The following PTPRT variants were observed in gnomAD, a reference collection of about 807,000 sequenced individuals.
PTPRT encodes protein tyrosine phosphatase receptor type T, also known as receptor-type tyrosine-protein phosphatase T.
Under a neutral mutation model 176.8 loss-of-function variants are expected in PTPRT, and 56 were observed. The observed-to-expected ratio is 0.32, with a 90% CI of 0.26 to 0.40. PTPRT has a LOEUF of 0.40. PTPRT is among the 10% of genes least tolerant of loss of function. The pLI, the probability that PTPRT is intolerant of heterozygous loss-of-function variation, is 1.00. For missense variants in PTPRT, 1,540 were observed against 1,908.2 expected, an observed-to-expected ratio of 0.81 and a Z score of 3.60; for synonymous variants, 783 against 739.0, an observed-to-expected ratio of 1.06 and a Z score of -0.96.
chr20:42,441,594 A>G (rs2059316350), intron 9 of PTPRT, among the ~76,000 whole-genome samples: 1 of 152,186 alleles, frequency 6.6e-6, no homozygotes, highest in Non-Finnish European at 1.5e-5. Context: ...GGAACAGGTG[A>G]AGTGTGGAAG....
chr20:42,152,160 A>G (rs891580764), intron 17 of PTPRT, among the ~76,000 whole-genome samples: 1 of 152,232 alleles, frequency 6.6e-6, no homozygotes, highest in African/African-American at 2.4e-5. Flanking sequence ...TGACAGCCAA[A>G]TATCTTGAGA....
chr20:42,109,667 C>T (rs568053523), intron 23 of PTPRT, among the ~76,000 whole-genome samples: 7 of 152,274 alleles, frequency 4.6e-5, no homozygotes, highest in African/African-American at 1.7e-4. Context: ...TGAAATATCC[C>T]CACTCTGTGT....
chr20:43,016,602 C>G (rs1392489502), intron 1 of PTPRT, among the ~76,000 whole-genome samples: 2 of 117,058 alleles, frequency 1.7e-5, no homozygotes, highest in Non-Finnish European at 3.3e-5. Flanking sequence ...CATTCTGTCT[C>G]TATCTCGGCT....
At position 42,411,144 on chromosome 20, in the gene PTPRT, G is replaced by C. The variant is rs1600978329; in HGVS notation, c.1560+37076C>G. 3.9e-5 allele frequency among the ~76,000 whole-genome samples: 6 copies of C among 152,198 alleles called. No homozygotes were observed. In the South Asian group the frequency reaches 1.2e-3, roughly 32 times the overall value. On this transcript the variant is annotated intron_variant, in intron 9 of 30. Transcript: ENST00000373187. ...AAAACAAATGGTAAAATCAAAAGCT[G>C]ATTCTCTGAAAAGATGAACGCCAGG... is the stretch of plus-strand genomic sequence containing the variant.
At chr20:42,882,008 A>C (rs1486082667) in intron 2 of PTPRT, among the ~76,000 whole-genome samples, 1 of 152,156 alleles carries the variant, frequency 6.6e-6, no homozygotes, top group Non-Finnish European at 1.5e-5. Flanking sequence ...AGGGGAGGCC[A>C]TCAGCAGGAT....
At chr20:42,245,859 G>C (rs898295886) in intron 14 of PTPRT, among the ~76,000 whole-genome samples, 2 of 152,112 alleles carry the variant, frequency 1.3e-5, no homozygotes, top group African/African-American at 4.8e-5. Flanking sequence ...AAAAAACCCC[G>C]GAAAGTAACC....
chr20:42,246,149 GAT>G (rs1233202849), intron 14 of PTPRT, among the ~76,000 whole-genome samples: 1 of 151,966 alleles, frequency 6.6e-6, no homozygotes, highest in East Asian at 1.9e-4. Flanking sequence ...AGTATATATT[GAT>G]ATATATATGC....
At chr20:42,124,466 A>C (rs1270044266) in intron 19 of PTPRT, among the ~76,000 whole-genome samples, 5 of 152,240 alleles carry the variant, frequency 3.3e-5, no homozygotes. Context: ...GTGTGCAAAC[A>C]AACCTGCCAG....
chr20:42,430,790 T>C (rs935523947), intron 9 of PTPRT, among the ~76,000 whole-genome samples: 7 of 152,188 alleles, frequency 4.6e-5, no homozygotes, highest in African/African-American at 1.7e-4. Flanking sequence ...CCAACATGCA[T>C]GATACGCTTT....
chr20:42,708,081 C>T (rs903602997), intron 6 of PTPRT, among the ~76,000 whole-genome samples: 1 of 152,034 alleles, frequency 6.6e-6, no homozygotes, highest in Non-Finnish European at 1.5e-5. Context: ...AAGAAATATG[C>T]AAAATATGTG....
At chr20:42,263,026 G>A (rs2056775853) in intron 13 of PTPRT, among the ~76,000 whole-genome samples, 1 of 152,164 alleles carries the variant, frequency 6.6e-6, no homozygotes, top group African/African-American at 2.4e-5. Context: ...AGAGAGGAGA[G>A]TGTGAGAAGG....
At chr20:42,737,862 G>C (rs938652439) in intron 6 of PTPRT, among the ~76,000 whole-genome samples, 1 of 152,144 alleles carries the variant, frequency 6.6e-6, no homozygotes, top group African/African-American at 2.4e-5. Flanking sequence ...ACAGCCTTAG[G>C]GGTGGCAAGT....
chr20:42,506,871 G>T (rs1199636612), intron 7 of PTPRT, among the ~76,000 whole-genome samples: 1 of 152,098 alleles, frequency 6.6e-6, no homozygotes, highest in East Asian at 1.9e-4. Flanking sequence ...CTGACCAGAG[G>T]CTATGCCTGT....
chr20:43,041,958 A>C (rs1986624393), intron 1 of PTPRT, among the ~76,000 whole-genome samples: 1 of 152,210 alleles, frequency 6.6e-6, no homozygotes. Flanking sequence ...TGTCACTCAA[A>C]TCGAAAGAGA....
intron 6 of PTPRT, among the ~76,000 whole-genome samples, chr20:42,697,365 A>G (rs1166806041): frequency 6.6e-6 from 1 of 152,240 alleles, no homozygotes; most frequent in East Asian, 1.9e-4. Flanking sequence ...CCAGTGTTTT[A>G]TTTTACAGTG....
intron 8 of PTPRT, among the ~76,000 whole-genome samples, chr20:42,450,887 TAATCAGG>T (rs1202594448): frequency 4.6e-5 from 7 of 152,328 alleles, no homozygotes; most frequent in African/African-American, 1.7e-4. Context: ...TACATTTTTT[TAATCAGG>T]ACTCTGACAT....
chr20:42,666,734 C>A (rs1353604465), intron 7 of PTPRT, among the ~76,000 whole-genome samples: 1 of 152,122 alleles, frequency 6.6e-6, no homozygotes, highest in Non-Finnish European at 1.5e-5. Context: ...CATATACATG[C>A]TGCACAATTC....
intron 7 of PTPRT, among the ~76,000 whole-genome samples, chr20:42,575,124 A>G (rs1320400066): frequency 1.3e-5 from 2 of 152,198 alleles, no homozygotes; most frequent in African/African-American, 4.8e-5. Flanking sequence ...TGATAAAATG[A>G]CTGCATCCGG....
chr20:42,259,686 C>T (rs531430790), intron 13 of PTPRT, among the ~76,000 whole-genome samples: 14 of 152,252 alleles, frequency 9.2e-5, no homozygotes, highest in Non-Finnish European at 1.6e-4. Flanking sequence ...GGTTAATGAC[C>T]AGGATGTGGC....
Sources: gnomAD v4.1 joint callset for allele counts (sites outside exome capture counted in the v4.1 genomes callset) on GRCh38, gnomAD v4.1.1 for gene constraint, MANE v1.5 for transcripts, NCBI Gene and HGNC (gene_info 2026-07-23, HGNC 2026-07-21) for gene names.